The following ABCB11 variants were observed in gnomAD, a reference collection of about 807,000 sequenced individuals.
The protein encoded by ABCB11 is ATP binding cassette subfamily B member 11.
ABCB11 carries 95 observed loss-of-function variants against 148.0 expected under a neutral mutation model. The ratio of observed to expected loss-of-function variants is 0.64; its 90% CI spans 0.54 to 0.76. The LOEUF (loss-of-function observed/expected upper bound fraction) is 0.76, where lower values mean the gene tolerates loss of function less well. ABCB11 is among the 30% of genes least tolerant of loss of function. The pLI is 0.00. For missense variants in ABCB11, 1,523 were observed against 1,617.8 expected, an observed-to-expected ratio of 0.94 and a Z score of 1.01; for synonymous variants, 591 against 555.4, an observed-to-expected ratio of 1.06 and a Z score of -0.90.
rs965452019 is a variant in ABCB11 at position 168,922,056 on chromosome 2, A to G, written c.*1566T>C. On this transcript the variant is annotated 3_prime_UTR_variant, in exon 28 of 28. Transcript: ENST00000650372. The stretch of plus-strand genomic sequence containing the variant: ...AGTAGAGACGGGGTTTCACCATGTT[A>G]GCCAGGATGGTCTCAATCTCTCGAC... Among the ~76,000 whole-genome samples, 8 of 151,914 alleles carry G rather than the reference A, an allele frequency of 5.3e-5. No homozygotes were observed. The highest frequency in any genetic ancestry group is 1.9e-4 in the East Asian group (1 of 5,138).
intron 14 of ABCB11, among the ~76,000 whole-genome samples, chr2:168,971,435 G>T (rs753732003): frequency 6.6e-5 from 10 of 152,000 alleles, no homozygotes; most frequent in Non-Finnish European, 1.0e-4. Flanking sequence ...AATATTAGCT[G>T]CCTAAGCACA....
intron 18 of ABCB11, among the ~76,000 whole-genome samples, chr2:168,961,914 C>T (rs1426465964): frequency 1.3e-5 from 2 of 151,578 alleles, no homozygotes; most frequent in Non-Finnish European, 3.0e-5. Context: ...CCTTTTCCAT[C>T]AACATGAGAA....
intron 19 of ABCB11, among the ~76,000 whole-genome samples, chr2:168,953,880 T>C (rs1468832065): frequency 6.6e-6 from 1 of 151,598 alleles, no homozygotes; most frequent in East Asian, 2.0e-4. Context: ...TTGTCTCTTA[T>C]CTACCTATGA....
chr2:169,011,616 T>C (rs1695190803), intron 5 of ABCB11, among the ~76,000 whole-genome samples: 1 of 152,188 alleles, frequency 6.6e-6, no homozygotes. Context: ...GCATATGTTT[T>C]TAAATGATCA....
intron 18 of ABCB11, among the ~76,000 whole-genome samples, chr2:168,958,335 G>T (rs920409504): frequency 1.3e-5 from 2 of 151,478 alleles, no homozygotes; most frequent in African/African-American, 4.8e-5. Flanking sequence ...TGAACTGAGG[G>T]AATACGCATT....
intron 1 of ABCB11, among the ~76,000 whole-genome samples, chr2:169,021,987 C>T (rs1462718076): frequency 6.6e-6 from 1 of 151,912 alleles, no homozygotes; most frequent in East Asian, 1.9e-4. Flanking sequence ...TAGTAAAACA[C>T]ACACACATAT....
chr2:168,993,258 G>T (rs536629719), intron 8 of ABCB11, among the ~76,000 whole-genome samples: 1 of 152,050 alleles, frequency 6.6e-6, no homozygotes, highest in Admixed American at 6.6e-5. Context: ...GGGAGGACAT[G>T]GAGAACAATA....
chr2:168,921,572 C>T lies in ABCB11; in HGVS notation c.*2050G>A, dbSNP rs960258583. ...CTTGACCCATTGAACACATTTATTA[C>T]CATTTTTTGAGTGTTTTTCTAATCA... On this transcript the variant is annotated 3_prime_UTR_variant, in exon 28 of 28. Coordinates refer to ENST00000650372, the MANE Select transcript of ABCB11 (RefSeq NM_003742.4). Among the ~76,000 whole-genome samples the T allele has an allele frequency of 6.6e-6, 1 of 152,094 alleles. No homozygotes were observed. Among genetic ancestry groups the T allele is most frequent in the East Asian group, 1.9e-4 (1 of 5,188 alleles).
At chr2:169,021,673 A>T (rs1394601759) in intron 1 of ABCB11, among the ~76,000 whole-genome samples, 2 of 152,128 alleles carry the variant, frequency 1.3e-5, no homozygotes, top group African/African-American at 4.8e-5. Flanking sequence ...CATTGTTCAT[A>T]TATTAGTTGA....
chr2:169,016,786 C>A lies in ABCB11; in HGVS notation c.90G>T (p.Lys30Asn). 1 of 1,596,058 alleles carries A rather than the reference C, an allele frequency of 6.3e-7. No homozygotes were observed. The highest frequency in any genetic ancestry group is 8.5e-7 in the Non-Finnish European group (1 of 1,169,648). ...TGAAATCAGTCACTTACCTTGATTTCTTATCATTATTATCTGTCAGAAAAA... is the reference window on the plus strand; with the variant it reads ...TGAAATCAGTCACTTACCTTGATTTATTATCATTATTATCTGTCAGAAAAA... Reference protein sequence around the residue: ...FESDKSYNNDKKSRLQDEKKG... With the variant: ...FESDKSYNNDNKSRLQDEKKG... Residue 30 changes from lysine to asparagine, a missense_variant, in exon 3 of 28, where the codon AAG becomes AAT. Physicochemically the swap from Lys to Asn is moderately conservative, Grantham distance 94. Coordinates refer to ENST00000650372, the MANE Select transcript of ABCB11 (RefSeq NM_003742.4).
chr2:168,977,676 A>G (rs1693968754), intron 11 of ABCB11, among the ~76,000 whole-genome samples: 1 of 152,312 alleles, frequency 6.6e-6, no homozygotes, highest in South Asian at 2.1e-4. Flanking sequence ...TAATTGATTC[A>G]TAGTTCCAAA....
chr2:168,958,540 A>T (rs956191237), intron 18 of ABCB11, among the ~76,000 whole-genome samples: 7 of 151,782 alleles, frequency 4.6e-5, no homozygotes, highest in African/African-American at 1.7e-4. Context: ...ATAATATAGT[A>T]ACTGGCTAAA....
At chr2:168,930,549 G>T in intron 25 of ABCB11, 116 bp downstream of exon 25, 3 of 743,798 alleles carry the variant, frequency 4.0e-6, no homozygotes, top group Non-Finnish European at 5.8e-6. Context: ...CATGGGGTAA[G>T]TGCCTTAGGC....
At position 168,968,504 on chromosome 2, in the gene ABCB11, C is replaced by A. The variant is rs1693416974; in HGVS notation, c.2012-14G>T. The A allele has an allele frequency of 6.2e-7, 1 of 1,605,152 alleles. No individual in the cohort carries two copies. Among genetic ancestry groups the A allele is most frequent in the Non-Finnish European group, 8.5e-7 (1 of 1,174,504 alleles). ...CTTCAGTTGCATCTACTCAACACAGCATGAGCAATTTTTTAGTATATACAA... is the reference window on the plus strand; with the variant it reads ...CTTCAGTTGCATCTACTCAACACAGAATGAGCAATTTTTTAGTATATACAA... On this transcript the variant is annotated splice_polypyrimidine_tract_variant and intron_variant, in intron 16 of 27. Transcript: ENST00000650372.
At chr2:169,014,480 G>A (rs900893047) in intron 3 of ABCB11, 126 bp from the exon 4 acceptor site, 6 of 854,094 alleles carry the variant, frequency 7.0e-6, no homozygotes, top group African/African-American at 6.8e-5. Context: ...GGAAAATTCT[G>A]GCCAAACCTA....
intron 27 of ABCB11, 81 bp downstream of exon 27, chr2:168,924,576 T>C (rs1391392443): frequency 1.4e-6 from 2 of 1,408,882 alleles, no homozygotes; most frequent in Non-Finnish European, 1.9e-6. Flanking sequence ...AAATTGAAAA[T>C]AGTGCCATTT....
rs533223100 is a variant in ABCB11, at chr2:168,922,391, G to C, written c.*1231C>G. Reference sequence around the variant, plus strand: ...ACTGGGGAAAGGCAGCCATCCTGCTGCAGGCGGGGCTCTGCAATTCTGTTT... The same window carrying C: ...ACTGGGGAAAGGCAGCCATCCTGCTCCAGGCGGGGCTCTGCAATTCTGTTT... On this transcript the variant is annotated 3_prime_UTR_variant, in exon 28 of 28. Transcript: ENST00000650372. Among the ~76,000 whole-genome samples the C allele has an allele frequency of 2.0e-5, 3 of 152,300 alleles. No homozygotes were observed. The highest frequency in any genetic ancestry group is 2.0e-4 in the Admixed American group (3 of 15,302).
chr2:168,969,650 G>A (rs1032450016), intron 15 of ABCB11, 99 bp from the exon 16 acceptor site: 2 of 1,091,148 alleles, frequency 1.8e-6, no homozygotes, highest in African/African-American at 3.2e-5. Flanking sequence ...TAGATCCTTG[G>A]TCCCTGGGAA....
At chr2:168,959,682 G>C (rs2105937903) in intron 18 of ABCB11, among the ~76,000 whole-genome samples, 1 of 151,664 alleles carries the variant, frequency 6.6e-6, no homozygotes, top group Non-Finnish European at 1.5e-5. Flanking sequence ...CCCAAGTGAA[G>C]TGCAAACCTT....
Sources: gnomAD v4.1 joint callset for allele counts (sites outside exome capture counted in the v4.1 genomes callset) on GRCh38, gnomAD v4.1.1 for gene constraint, MANE v1.5 for transcripts, NCBI Gene and HGNC (gene_info 2026-07-23, HGNC 2026-07-21) for gene names.